Variants in ST6GALNAC3 observed in about 807,000 individuals in gnomAD.
ST6GALNAC3 encodes the protein ST6 N-acetylgalactosaminide alpha-2,6-sialyltransferase 3.
In ST6GALNAC3, 25 loss-of-function variants were observed where a neutral mutation model predicts 32.7. That is an observed-to-expected ratio of 0.76 (90% CI 0.56 to 1.07). ST6GALNAC3 has a LOEUF of 1.07. Among genes scored for constraint, ST6GALNAC3 ranks in the 50% least tolerant of loss-of-function variants. The probability of loss-of-function intolerance (pLI) is 0.00; values close to 1 mark genes in which losing one functional copy is unlikely to be tolerated. For synonymous variants in ST6GALNAC3, 129 were observed against 133.1 expected, an observed-to-expected ratio of 0.97 and a Z score of 0.21; for missense variants, 355 against 382.4, an observed-to-expected ratio of 0.93 and a Z score of 0.60.
chr1:76,465,578 A>G (rs918819152), intron 3 of ST6GALNAC3, among the ~76,000 whole-genome samples: 6 of 152,170 alleles, frequency 3.9e-5, no homozygotes, highest in Non-Finnish European at 8.8e-5. Context: ...TTCCTTGGGG[A>G]ACAGTTGCTG....
At chr1:76,357,494 G>A (rs898751507) in intron 2 of ST6GALNAC3, among the ~76,000 whole-genome samples, 64 of 152,160 alleles carry the variant, frequency 4.2e-4, no homozygotes, top group African/African-American at 1.4e-3. Flanking sequence ...TATTTGGATG[G>A]AAGATCTTCT....
chr1:76,204,086 G>A (rs72996595), intron 1 of ST6GALNAC3, among the ~76,000 whole-genome samples: 12,765 of 151,908 alleles, frequency 0.084, 588 homozygotes, highest in African/African-American at 0.12. Flanking sequence ...CCACCAATCT[G>A]CTCTCTATCT....
intron 3 of ST6GALNAC3, among the ~76,000 whole-genome samples, chr1:76,604,514 C>G (rs1320279646): frequency 6.6e-6 from 1 of 152,170 alleles, no homozygotes; most frequent in African/African-American, 2.4e-5. Context: ...TGGCTCTTTT[C>G]CCTCTGCTCA....
chr1:76,300,287 G>A (rs1039164392), intron 1 of ST6GALNAC3, among the ~76,000 whole-genome samples: 3 of 152,016 alleles, frequency 2.0e-5, no homozygotes, highest in Non-Finnish European at 4.4e-5. Flanking sequence ...CAATTTTCAA[G>A]TGTCTAAAGG....
chr1:76,388,935 A>G (rs961123092), intron 2 of ST6GALNAC3, among the ~76,000 whole-genome samples: 1 of 149,874 alleles, frequency 6.7e-6, no homozygotes, highest in Non-Finnish European at 1.5e-5. Context: ...CATCTATATG[A>G]TGGTAATGAT....
chr1:76,136,618 C>T (rs1649964898), intron 1 of ST6GALNAC3, among the ~76,000 whole-genome samples: 1 of 151,982 alleles, frequency 6.6e-6, no homozygotes, highest in Non-Finnish European at 1.5e-5. Flanking sequence ...CAAGAAGATA[C>T]CTAGTAATAA....
chr1:76,456,054 CCCAGCTACT>C lies in ST6GALNAC3; in HGVS notation c.623+43642_623+43650del, dbSNP rs537131035. Among the ~76,000 whole-genome samples, 60 of 152,242 alleles carry C rather than the reference CCCAGCTACT, an allele frequency of 3.9e-4. 2 individuals carry two copies. The highest frequency in any genetic ancestry group is 3.6e-3 in the Admixed American group (55 of 15,284). ...ACAGAAGTTATTCTGCACCTGTAGT[CCCAGCTACT>C]CCAGAGGCTGAGGCAGGAGAATTGC... On this transcript the variant is annotated intron_variant, in intron 3 of 4. Coordinates refer to ENST00000328299, the MANE Select transcript of ST6GALNAC3 (RefSeq NM_152996.4).
At chr1:76,171,849 A>G (rs541909127) in intron 1 of ST6GALNAC3, among the ~76,000 whole-genome samples, 3 of 118,142 alleles carry the variant, frequency 2.5e-5, no homozygotes, top group East Asian at 3.2e-4. Flanking sequence ...AAAAACACAG[A>G]AAAACAAAAC....
At chr1:76,522,095 A>G (rs955169451) in intron 3 of ST6GALNAC3, among the ~76,000 whole-genome samples, 3 of 151,944 alleles carry the variant, frequency 2.0e-5, no homozygotes, top group African/African-American at 4.8e-5. Context: ...TAAAAAAAAA[A>G]AAAAAAAACA....
At chr1:76,362,377 G>A (rs529760921) in intron 2 of ST6GALNAC3, among the ~76,000 whole-genome samples, 10 of 152,090 alleles carry the variant, frequency 6.6e-5, no homozygotes, top group Non-Finnish European at 1.3e-4. Context: ...TGGTAGGGAC[G>A]TAGATCCAAA....
chr1:76,389,028 T>TTTTTTTTTA lies in ST6GALNAC3; in HGVS notation c.214-22980_214-22979insTTTTTTTTA, dbSNP rs1652327598. Reference sequence around the variant, plus strand: ...GTATATTTCCTTTTTTTTTTTTTTTTGAGACAGAGTCCCCCTCAGTAACCT... The same window carrying TTTTTTTTTA: ...GTATATTTCCTTTTTTTTTTTTTTTTTTTTTTTTAGAGACAGAGTCCCCCTCAGTAACCT... On this transcript the variant is annotated intron_variant, in intron 2 of 4. Coordinates refer to ENST00000328299, the MANE Select transcript of ST6GALNAC3 (RefSeq NM_152996.4). Among the ~76,000 whole-genome samples the TTTTTTTTTA allele has an allele frequency of 2.0e-5, 3 of 149,102 alleles. No individual in the cohort carries two copies. In the Admixed American group the frequency reaches 2.0e-4, roughly 10 times the overall value.
chr1:76,239,957 G>T (rs2100663199), intron 1 of ST6GALNAC3, among the ~76,000 whole-genome samples: 1 of 152,246 alleles, frequency 6.6e-6, no homozygotes, highest in Middle Eastern at 3.4e-3. Flanking sequence ...CAGGCACAAT[G>T]CTTTAGCCTC....
chr1:76,378,653 A>G (rs1207623932), intron 2 of ST6GALNAC3, among the ~76,000 whole-genome samples: 1 of 132,026 alleles, frequency 7.6e-6, no homozygotes, highest in Non-Finnish European at 1.6e-5. Context: ...GAAGAACGAA[A>G]TTCCTTCCCC....
intron 2 of ST6GALNAC3, among the ~76,000 whole-genome samples, chr1:76,405,482 G>C (rs1317190889): frequency 1.3e-5 from 2 of 152,030 alleles, no homozygotes; most frequent in East Asian, 3.9e-4. Context: ...AATTTGTCAG[G>C]TTCATACCCA....
At chr1:76,380,413 A>C (rs10782617) in intron 2 of ST6GALNAC3, among the ~76,000 whole-genome samples, 31,554 of 152,170 alleles carry the variant, frequency 0.21, 3,891 homozygotes, top group East Asian at 0.6. Flanking sequence ...TGCTATTGTT[A>C]GAATTGAACA....
At chr1:76,325,303 A>T (rs1376880526) in intron 2 of ST6GALNAC3, among the ~76,000 whole-genome samples, 1 of 152,202 alleles carries the variant, frequency 6.6e-6, no homozygotes, top group Non-Finnish European at 1.5e-5. Flanking sequence ...AGAAATAGTG[A>T]GTATTCTAGA....
intron 2 of ST6GALNAC3, among the ~76,000 whole-genome samples, chr1:76,347,298 T>C (rs964836607): frequency 6.6e-6 from 1 of 152,200 alleles, no homozygotes; most frequent in Admixed American, 6.5e-5. Flanking sequence ...TAAGCAGTTT[T>C]GGATATATGA....
chr1:76,171,594 T>A (rs1652503352), intron 1 of ST6GALNAC3, among the ~76,000 whole-genome samples: 1 of 149,520 alleles, frequency 6.7e-6, no homozygotes, highest in Non-Finnish European at 1.5e-5. Flanking sequence ...CAATAAAAAA[T>A]GATAAAGGGG....
intron 3 of ST6GALNAC3, among the ~76,000 whole-genome samples, chr1:76,492,147 C>T (rs1660541316): frequency 6.6e-6 from 1 of 152,186 alleles, no homozygotes; most frequent in Non-Finnish European, 1.5e-5. Flanking sequence ...TCCATGTCTT[C>T]ACTCTTTCCC....
Sources: allele counts gnomAD v4.1 joint callset (sites outside exome capture counted in the v4.1 genomes callset), GRCh38; gene constraint gnomAD v4.1.1; transcripts MANE v1.5; gene names NCBI Gene and HGNC (gene_info 2026-07-23, HGNC 2026-07-21).